The following NOL4 variants were observed in gnomAD, a reference collection of about 807,000 sequenced individuals.
The protein encoded by NOL4 is cancer/testis antigen 125.
A neutral mutation model predicts 75.9 loss-of-function variants in NOL4; 17 were observed. The observed-to-expected ratio is 0.22, with a 90% CI of 0.15 to 0.34. NOL4 has a LOEUF of 0.34. Ranked by LOEUF, NOL4 falls within the 10% of genes least tolerant of loss-of-function variation. The pLI is 1.00. For synonymous variants in NOL4, 292 were observed against 289.9 expected, an observed-to-expected ratio of 1.01 and a Z score of -0.07; for missense variants, 614 against 793.5, an observed-to-expected ratio of 0.77 and a Z score of 2.72.
chr18:34,112,096 C>T (rs769526495), intron 2 of NOL4, among the ~76,000 whole-genome samples: 10 of 152,120 alleles, frequency 6.6e-5, no homozygotes, highest in Admixed American at 2.0e-4. Flanking sequence ...AGGCCAGGTA[C>T]GGTGGCCCAC....
intron 1 of NOL4, among the ~76,000 whole-genome samples, chr18:34,190,335 T>TA (rs1372735275): frequency 1.3e-5 from 2 of 152,024 alleles, no homozygotes; most frequent in African/African-American, 4.8e-5. Context: ...GCTTGGAATA[T>TA]AAATTAAAAT....
chr18:33,943,088 T>C lies in NOL4; in HGVS notation c.1519A>G (p.Arg507Gly), dbSNP rs1378746894. 1.2e-6 allele frequency: 2 copies of C among 1,611,536 alleles called. No individual in the cohort carries two copies. The highest frequency in any genetic ancestry group is 2.2e-5 in the East Asian group (1 of 44,770). Residue 507 changes from arginine (R) to glycine (G), a missense_variant, in exon 9 of 11, where the codon AGG becomes GGG. Physicochemically the swap from Arg to Gly is moderately radical, Grantham distance 125. Transcript: ENST00000261592. ...CESESRNAAK[R>G]MRLERQQDES... ...ACCTGCTGTCTCTCCAGACGCATCC[T>C]CTTGGCGGCATTTCTACTCTCACTC...
intron 6 of NOL4, among the ~76,000 whole-genome samples, chr18:34,010,601 C>T (rs72957355): frequency 0.083 from 12,672 of 151,856 alleles, 698 homozygotes; most frequent in Non-Finnish European, 0.13. Context: ...TATGCTAGTT[C>T]TATTTTTAGA....
At chr18:34,150,466 G>T (rs1258222855) in intron 1 of NOL4, among the ~76,000 whole-genome samples, 2 of 151,674 alleles carry the variant, frequency 1.3e-5, no homozygotes, top group East Asian at 3.9e-4. Context: ...TTTGACAAAG[G>T]AGCAACAGCA....
chr18:33,917,869 A>C (rs1019230141), intron 9 of NOL4, among the ~76,000 whole-genome samples: 3 of 152,106 alleles, frequency 2.0e-5, no homozygotes, highest in Admixed American at 2.0e-4. Context: ...TGCTAATTGA[A>C]GCTGTCTTTT....
At chr18:33,883,898 A>G (rs569742391) in intron 9 of NOL4, among the ~76,000 whole-genome samples, 6 of 152,278 alleles carry the variant, frequency 3.9e-5, no homozygotes, top group African/African-American at 1.2e-4. Context: ...TAAGGTATCA[A>G]AAGTAATCAA....
chr18:34,113,123 C>G lies in NOL4; in HGVS notation c.415-7963G>C, dbSNP rs150195726. 4.6e-4 allele frequency among the ~76,000 whole-genome samples: 70 copies of G among 151,974 alleles called. No individual in the cohort carries two copies. In the East Asian group the frequency reaches 0.013, roughly 28 times the overall value. On this transcript the variant is annotated intron_variant, in intron 2 of 10. Coordinates refer to ENST00000261592, the MANE Select transcript of NOL4 (RefSeq NM_003787.5). ...TAGCTAGGACTACAGGTGCGGACCA[C>G]TAAGCCCAACTTTTTTTGTTTTGTT...
chr18:33,956,392 T>C (rs1196187299), intron 8 of NOL4, among the ~76,000 whole-genome samples: 1 of 152,182 alleles, frequency 6.6e-6, no homozygotes, highest in Non-Finnish European at 1.5e-5. Flanking sequence ...TGATTTGAGA[T>C]AATTGGTACA....
rs182503646 is a variant in NOL4 at position 34,047,560 on chromosome 18, T to C, written c.773-27959A>G. On this transcript the variant is annotated intron_variant, in intron 5 of 10. Coordinates refer to ENST00000261592, the MANE Select transcript of NOL4 (RefSeq NM_003787.5). ...ATTAATATAATATGTAAAATCTACATAGTTTTGAAAAATTCTTTTCAATTT... is the reference window on the plus strand; with the variant it reads ...ATTAATATAATATGTAAAATCTACACAGTTTTGAAAAATTCTTTTCAATTT... 2.1e-3 allele frequency among the ~76,000 whole-genome samples: 313 copies of C among 152,242 alleles called. 2 individuals are homozygous for C. The highest frequency in any genetic ancestry group is 7.3e-3 in the African/African-American group (303 of 41,554).
At chr18:34,089,054 A>G (rs2078380801) in intron 5 of NOL4, among the ~76,000 whole-genome samples, 1 of 151,984 alleles carries the variant, frequency 6.6e-6, no homozygotes, top group Non-Finnish European at 1.5e-5. Flanking sequence ...CACATTTGAT[A>G]GTCTTCTTTT....
intron 6 of NOL4, among the ~76,000 whole-genome samples, chr18:34,007,187 T>C (rs889137631): frequency 6.6e-6 from 1 of 151,962 alleles, no homozygotes; most frequent in Non-Finnish European, 1.5e-5. Flanking sequence ...CTGTGCTGGC[T>C]GGGGTAATTG....
chr18:34,047,428 T>C (rs980405592), intron 5 of NOL4, among the ~76,000 whole-genome samples: 1 of 152,104 alleles, frequency 6.6e-6, no homozygotes, highest in Non-Finnish European at 1.5e-5. Flanking sequence ...AAAAACATCA[T>C]GTATCACGGA....
rs1217478263 is a variant in NOL4 at position 34,105,055 on chromosome 18, GATCTGTTCC to G, written c.511_519del (p.Gly171_Asp173del). 1.0e-5 allele frequency: 16 copies of G among 1,596,400 alleles called. 1 individual carries two copies. In the East Asian group the frequency reaches 3.6e-4, roughly 36 times the overall value. Reference sequence around the variant, plus strand: ...TATTTGACACTGCAGCTACCTTTATGATCTGTTCCATCTGGGTTTAAATGCATTCTTTTC... The same window carrying G: ...TATTTGACACTGCAGCTACCTTTATGATCTGGGTTTAAATGCATTCTTTTC... On this transcript the variant is annotated inframe_deletion, in exon 3 of 11. Transcript: ENST00000261592.
intron 1 of NOL4, among the ~76,000 whole-genome samples, chr18:34,139,075 T>C (rs1023023931): frequency 6.6e-6 from 1 of 152,196 alleles, no homozygotes; most frequent in African/African-American, 2.4e-5. Flanking sequence ...TGGATTTGAA[T>C]TGCCAGTATT....
At position 33,957,531 on chromosome 18, in the gene NOL4, G is replaced by T; in HGVS notation, c.1237-14C>A. ...CCTGACAAACATCTGTTGGCAAGAGGGAGACAGAGGAGAAGGGTTTGGAGG... is the reference window on the plus strand; with the variant it reads ...CCTGACAAACATCTGTTGGCAAGAGTGAGACAGAGGAGAAGGGTTTGGAGG... On this transcript the variant is annotated splice_polypyrimidine_tract_variant and intron_variant, in intron 7 of 10. Transcript: ENST00000261592. 1 of 1,605,824 alleles carries T rather than the reference G, an allele frequency of 6.2e-7. No individual in the cohort carries two copies. Among genetic ancestry groups the T allele is most frequent in the South Asian group, 1.1e-5 (1 of 90,396 alleles).
intron 1 of NOL4, among the ~76,000 whole-genome samples, chr18:34,177,312 A>T (rs2033639378): frequency 6.6e-6 from 1 of 151,924 alleles, no homozygotes; most frequent in Admixed American, 6.6e-5. Flanking sequence ...GATTACAAAG[A>T]GGCATTAGGA....
chr18:33,998,911 A>G (rs1484000351), intron 6 of NOL4, among the ~76,000 whole-genome samples: 1 of 152,104 alleles, frequency 6.6e-6, no homozygotes, highest in African/African-American at 2.4e-5. Flanking sequence ...TCATCACCAT[A>G]TACTTATAGT....
At chr18:33,950,445 A>G (rs922826612) in intron 8 of NOL4, among the ~76,000 whole-genome samples, 40 of 152,164 alleles carry the variant, frequency 2.6e-4, no homozygotes, top group Non-Finnish European at 1.0e-4. Flanking sequence ...ACAAAGAAGC[A>G]CATTAGTAAA....
At chr18:34,126,870 T>C (rs1214178646) in intron 2 of NOL4, among the ~76,000 whole-genome samples, 9 of 152,184 alleles carry the variant, frequency 5.9e-5, no homozygotes, top group African/African-American at 1.7e-4. Flanking sequence ...ATGAGTGATA[T>C]TGAGATGTCT....
Sources: gnomAD v4.1 joint callset for allele counts (sites outside exome capture counted in the v4.1 genomes callset) on GRCh38, gnomAD v4.1.1 for gene constraint, MANE v1.5 for transcripts, NCBI Gene and HGNC (gene_info 2026-07-23, HGNC 2026-07-21) for gene names.